Variants in PPFIA2 observed in about 807,000 individuals in gnomAD.
The protein encoded by PPFIA2 is liprin-alpha-2.
In PPFIA2, 46 loss-of-function variants were observed where a neutral mutation model predicts 175.5. The ratio of observed to expected loss-of-function variants is 0.26; its 90% CI spans 0.21 to 0.34. The LOEUF is 0.34. PPFIA2 is among the 10% of genes least tolerant of loss of function. The pLI is 1.00. For missense variants in PPFIA2, 1,179 were observed against 1,506.1 expected (o/e 0.78, Z 3.60); for synonymous variants, 568 against 511.4 (o/e 1.11, Z -1.49).
At chr12:81,712,744 G>T (rs1233482833) in intron 3 of PPFIA2, among the ~76,000 whole-genome samples, 1 of 150,150 alleles carries the variant, frequency 6.7e-6, no homozygotes, top group Non-Finnish European at 1.5e-5. Flanking sequence ...TTTTTTAAGT[G>T]GGACATCACT....
At chr12:81,697,056 AGACAATGCCTAATGAGAGAAAT>A (rs1252608851) in intron 3 of PPFIA2, among the ~76,000 whole-genome samples, 2 of 152,154 alleles carry the variant, frequency 1.3e-5, no homozygotes, top group Non-Finnish European at 2.9e-5. Context: ...AATCATAGAC[AGACAATGCCTAATGAGAGAAAT>A]GGCAGGATTA....
intron 3 of PPFIA2, among the ~76,000 whole-genome samples, chr12:81,732,495 A>G (rs1284068693): frequency 1.4e-5 from 2 of 139,090 alleles, no homozygotes; most frequent in East Asian, 4.1e-4. Context: ...ATAAAGAAAT[A>G]TGGATGATGT....
intron 6 of PPFIA2, among the ~76,000 whole-genome samples, chr12:81,443,414 T>C (rs891351524): frequency 2.6e-5 from 4 of 152,138 alleles, no homozygotes; most frequent in Non-Finnish European, 5.9e-5. Context: ...CTATGGTGAG[T>C]TAATACATAT....
At chr12:81,571,660 A>G (rs1328821351) in intron 4 of PPFIA2, among the ~76,000 whole-genome samples, 3 of 152,168 alleles carry the variant, frequency 2.0e-5, no homozygotes, top group Non-Finnish European at 4.4e-5. Context: ...TACACAAAAT[A>G]TATGTGTTTC....
At chr12:81,512,287 A>C in intron 4 of PPFIA2, 1 of 1,286,890 alleles carries the variant, frequency 7.8e-7, no homozygotes, top group Non-Finnish European at 1.0e-6. Context: ...AACATACCTG[A>C]TGTCCTGGTC....
Position 81,341,136 on chromosome 12 carries a change from G to C in PPFIA2, c.2335C>G (p.Pro779Ala). The change falls in exon 20 of 33, where the codon CCT becomes GCT. Residue 779 changes from proline to alanine, a missense_variant. Transcript: ENST00000549396. ...GTGTGAGTCATTCTGAGGGCTCTAG[G>C]GGTAGGAGGAGGAGAAGTTTCACAT... Reference protein sequence around the residue: ...IKCETSPPPTPRALRMTHTLP... With the variant: ...IKCETSPPPTARALRMTHTLP... The C allele has an allele frequency of 6.2e-7, 1 of 1,611,484 alleles. No individual in the cohort carries two copies. The highest frequency in any genetic ancestry group is 8.5e-7 in the Non-Finnish European group (1 of 1,178,114).
intron 4 of PPFIA2, among the ~76,000 whole-genome samples, chr12:81,507,896 A>G (rs545803582): frequency 6.6e-6 from 1 of 152,332 alleles, no homozygotes; most frequent in South Asian, 2.1e-4. Context: ...GAGCACAAAC[A>G]TCTATCATTG....
chr12:81,546,155 G>C lies in PPFIA2; in HGVS notation c.304-88289C>G, dbSNP rs1469546663. On this transcript the variant is annotated intron_variant, in intron 4 of 32. Coordinates refer to ENST00000549396, the MANE Select transcript of PPFIA2 (RefSeq NM_003625.5). ...AAAAAAAAAAAAAAAAAATTCATCC[G>C]AGAAAGAGGTAAAGCTGTGGTGTTT... The C allele has an allele frequency of 6.1e-5, 9 of 148,212 alleles. No homozygotes were observed. The Admixed American group carries it at 6.1e-4, about 10-fold the overall frequency. 9.2% of individuals were successfully genotyped at this position (148,212 alleles called of 1,614,324 possible).
chr12:81,751,510 CAGG>C (rs2083772619), intron 3 of PPFIA2, among the ~76,000 whole-genome samples: 2 of 149,500 alleles, frequency 1.3e-5, no homozygotes, highest in Non-Finnish European at 3.0e-5. Context: ...CATAGTCCTT[CAGG>C]AGGATTGTTC....
chr12:81,354,754 A>G (rs11613406), intron 16 of PPFIA2, among the ~76,000 whole-genome samples: 6,069 of 151,836 alleles, frequency 0.04, 171 homozygotes, highest in South Asian at 0.061. Context: ...AGCTATTCTC[A>G]TGCCTCAGCC....
At chr12:81,425,656 G>A (rs879443781) in intron 7 of PPFIA2, among the ~76,000 whole-genome samples, 4 of 152,174 alleles carry the variant, frequency 2.6e-5, no homozygotes, top group Non-Finnish European at 2.9e-5. Context: ...TTACGGGCGT[G>A]AGCCACTGCA....
chr12:81,456,705 G>A (rs1040181312), intron 5 of PPFIA2, among the ~76,000 whole-genome samples: 2 of 151,912 alleles, frequency 1.3e-5, no homozygotes, highest in Non-Finnish European at 2.9e-5. Flanking sequence ...ACTCCTCTAT[G>A]GGTAATGTGG....
intron 19 of PPFIA2, among the ~76,000 whole-genome samples, chr12:81,344,019 C>A (rs2058614449): frequency 6.6e-6 from 1 of 152,082 alleles, no homozygotes; most frequent in African/African-American, 2.4e-5. Context: ...CCCTAATCAC[C>A]TGTGGGCCAG....
At chr12:81,282,899 T>C in intron 26 of PPFIA2, 111 bp downstream of exon 26, 1 of 879,280 alleles carries the variant, frequency 1.1e-6, no homozygotes, top group Non-Finnish European at 1.8e-6. Flanking sequence ...ATCAGCCTAA[T>C]ATTGAGCTAA....
At chr12:81,698,610 A>G (rs1390067836) in intron 3 of PPFIA2, among the ~76,000 whole-genome samples, 1 of 152,186 alleles carries the variant, frequency 6.6e-6, no homozygotes, top group Non-Finnish European at 1.5e-5. Flanking sequence ...TAGAAGTGTC[A>G]GGAAATAAAT....
chr12:81,494,078 A>C lies in PPFIA2; in HGVS notation c.304-36212T>G, dbSNP rs570188265. On this transcript the variant is annotated intron_variant, in intron 4 of 32. Transcript: ENST00000549396. ...ACACCAAAAGCAATGGCAACAAAAG[A>C]CAAAATTGACAAATGGGATCTAATT... Among the ~76,000 whole-genome samples, 598 of 151,874 alleles carry C rather than the reference A, an allele frequency of 3.9e-3. 2 individuals carry two copies. The highest frequency in any genetic ancestry group is 6.8e-3 in the Middle Eastern group (2 of 294).
chr12:81,622,903 G>A (rs1322046235), intron 4 of PPFIA2, among the ~76,000 whole-genome samples: 1 of 152,084 alleles, frequency 6.6e-6, no homozygotes, highest in African/African-American at 2.4e-5. Flanking sequence ...TTAAAGAAAG[G>A]TAGGAAAGTT....
At chr12:81,394,601 C>T (rs1410592129) in intron 8 of PPFIA2, among the ~76,000 whole-genome samples, 2 of 151,732 alleles carry the variant, frequency 1.3e-5, no homozygotes, top group Non-Finnish European at 2.9e-5. Context: ...GGAAGTTGAA[C>T]AACGAGAACA....
chr12:81,394,301 A>G (rs1480684242), intron 8 of PPFIA2, among the ~76,000 whole-genome samples: 1 of 151,982 alleles, frequency 6.6e-6, no homozygotes, highest in African/African-American at 2.4e-5. Context: ...TATATATTTT[A>G]GATAGTCAAA....
Sources: gnomAD v4.1 joint callset for allele counts (sites outside exome capture counted in the v4.1 genomes callset) on GRCh38, gnomAD v4.1.1 for gene constraint, MANE v1.5 for transcripts, NCBI Gene and HGNC (gene_info 2026-07-23, HGNC 2026-07-21) for gene names.